Variants in CDH1 observed in about 807,000 individuals in gnomAD.
CDH1 encodes cadherin-1.
Under a neutral mutation model 84.5 loss-of-function variants are expected in CDH1, and 35 were observed. The ratio of observed to expected loss-of-function variants is 0.41; its 90% CI spans 0.32 to 0.55. CDH1 has a LOEUF of 0.55. CDH1 is among the 20% of genes least tolerant of loss of function. The pLI is 0.19. For synonymous variants in CDH1, 417 were observed against 439.0 expected, an observed-to-expected ratio of 0.95 and a Z score of 0.63; for missense variants, 994 against 1,126.6, an observed-to-expected ratio of 0.88 and a Z score of 1.68.
chr16:68,819,399 C>G lies in CDH1; in HGVS notation c.1685C>G (p.Thr562Arg), dbSNP rs587782381. Residue 562 changes from threonine to arginine, a missense_variant, in exon 11 of 16, where the codon ACA becomes AGA. Physicochemically the swap from Thr to Arg is moderately conservative, Grantham distance 71 (BLOSUM62 -1). This residue lies in a region of CDH1 where 769 missense variants were observed against 881.8 expected (regional missense o/e 0.87). Transcript: ENST00000261769. The part of the protein sequence containing the change: ...DFEHVKNSTY[T>R]ALIIATDNGS... ...GAGCACGTGAAGAACAGCACGTACA[C>G]AGCCCTAATCATAGCTACAGACAAT... is the stretch of plus-strand genomic sequence containing the variant. 6.2e-7 allele frequency: 1 copy of G among 1,613,780 alleles called. No individual in the cohort carries two copies. The highest frequency in any genetic ancestry group is 8.5e-7 in the Non-Finnish European group (1 of 1,180,028).
rs121964878 is a variant in CDH1, at chr16:68,822,190, C to T, written c.1901C>T (p.Ala634Val). ...TTCACAGCAGAACTAACACACGGGGCGAGTGCCAACTGGACCATTCAGTAC... is the reference window on the plus strand; with the variant it reads ...TTCACAGCAGAACTAACACACGGGGTGAGTGCCAACTGGACCATTCAGTAC... ...SPFTAELTHG[A>V]SANWTIQYND... The change falls in exon 12 of 16, where the codon GCG becomes GTG. Residue 634 changes from alanine (A) to valine (V), a missense_variant. Coordinates refer to ENST00000261769, the MANE Select transcript of CDH1 (RefSeq NM_004360.5). 5 of 1,614,074 alleles carry T rather than the reference C, an allele frequency of 3.1e-6. No homozygotes were observed. The highest frequency in any genetic ancestry group is 1.7e-5 in the Admixed American group (1 of 60,014).
At chr16:68,811,316 G>A (rs1960819021) in intron 6 of CDH1, among the ~76,000 whole-genome samples, 1 of 147,632 alleles carries the variant, frequency 6.8e-6, no homozygotes, top group South Asian at 2.1e-4. Flanking sequence ...AGAATTGCTT[G>A]AACCCGGGAG....
At chr16:68,758,481 G>A (rs1296683890) in intron 2 of CDH1, among the ~76,000 whole-genome samples, 1 of 151,838 alleles carries the variant, frequency 6.6e-6, no homozygotes, top group South Asian at 2.1e-4. Context: ...TAGCTACTTG[G>A]GAGGTTGAGG....
At chr16:68,787,669 G>GT (rs777973268) in intron 2 of CDH1, among the ~76,000 whole-genome samples, 2 of 151,504 alleles carry the variant, frequency 1.3e-5, no homozygotes, top group Non-Finnish European at 1.5e-5. Context: ...GTTTTGTTTT[G>GT]TTTTTTGGAG....
At position 68,833,960 on chromosome 16, in the gene CDH1, CT is replaced by C. The variant is rs113202135; in HGVS notation, c.*475del. On this transcript the variant is annotated 3_prime_UTR_variant, in exon 16 of 16. Transcript: ENST00000261769. The stretch of plus-strand genomic sequence containing the variant: ...TTACTACACTGGTGTGTCCCTCTGC[CT>C]TTTTTTTTTTTTTAAGACAGGGTCT... 0.15 allele frequency: 38,094 copies of C among 261,144 alleles called. No homozygotes were observed. The highest frequency in any genetic ancestry group is 0.23 in the East Asian group (3,322 of 14,616). 16.2% of individuals were successfully genotyped at this position (261,144 alleles called of 1,614,324 possible).
rs1248757679 is a variant in CDH1 at position 68,764,403 on chromosome 16, C to T, written c.163+25992C>T. ...ACCAGCCTGGCCAACATGGCGAATC[C>T]CCATCTCTACTAAAAATACAAAAAT... is the stretch of plus-strand genomic sequence containing the variant. On this transcript the variant is annotated intron_variant, in intron 2 of 15. Transcript: ENST00000261769. Among the ~76,000 whole-genome samples the T allele has an allele frequency of 2.6e-5, 4 of 152,292 alleles. No homozygotes were observed. In the South Asian group the frequency reaches 8.3e-4, roughly 32 times the overall value.
intron 2 of CDH1, among the ~76,000 whole-genome samples, chr16:68,742,821 T>A (rs1432685855): frequency 5.3e-5 from 8 of 152,218 alleles, no homozygotes; most frequent in Admixed American, 3.3e-4. Context: ...AGAAACCAGC[T>A]TTGGGATCAC....
In CDH1 at chr16:68,819,338, A is replaced by G; in HGVS notation, c.1624A>G (p.Ile542Val). ...WLEINPDTGA[I>V]STRAELDRED... ...GGAGATTAATCCGGACACTGGTGCCATTTCCACTCGGGCTGAGCTGGACAG... is the reference window on the plus strand; with the variant it reads ...GGAGATTAATCCGGACACTGGTGCCGTTTCCACTCGGGCTGAGCTGGACAG... The change falls in exon 11 of 16, where the codon ATT becomes GTT. Residue 542 changes from isoleucine to valine, a missense_variant. Physicochemically the swap from Ile to Val is conservative, Grantham distance 29 (BLOSUM62 3). This residue lies in a region of CDH1 where 769 missense variants were observed against 881.8 expected (regional missense o/e 0.87). Transcript: ENST00000261769. The G allele has an allele frequency of 6.2e-7, 1 of 1,614,104 alleles. No homozygotes were observed. The highest frequency in any genetic ancestry group is 1.1e-5 in the South Asian group (1 of 91,076).
chr16:68,738,964 T>TTTTTTTTTTTAAA lies in CDH1; in HGVS notation c.163+553_163+554insTTTTTTTTTTAAA, dbSNP rs555202424. Reference sequence around the variant, plus strand: ...TTTTTTTTTTTTTTTTTTTTTTTTTTAAAGACAGGGTCTTGCTCTGTTGCC... The same window carrying TTTTTTTTTTTAAA: ...TTTTTTTTTTTTTTTTTTTTTTTTTTTTTTTTTTTTAAAAAAGACAGGGTCTTGCTCTGTTGCC... On this transcript the variant is annotated intron_variant, in intron 2 of 15. Coordinates refer to ENST00000261769, the MANE Select transcript of CDH1 (RefSeq NM_004360.5). Among the ~76,000 whole-genome samples the TTTTTTTTTTTAAA allele has an allele frequency of 8.3e-4, 54 of 65,406 alleles. 5 individuals carry two copies. The highest frequency in any genetic ancestry group is 2.9e-3 in the African/African-American group (52 of 17,718). 42.9% of individuals were successfully genotyped at this position (65,406 alleles called of 152,430 possible).
At position 68,835,464 on chromosome 16, in the gene CDH1, G is replaced by A. The variant is rs1596978899; in HGVS notation, c.*1965G>A. The A allele has an allele frequency of 4.7e-6, 1 of 210,888 alleles. No individual in the cohort carries two copies. Among genetic ancestry groups the A allele is most frequent in the Admixed American group, 5.9e-5 (1 of 16,912 alleles). 13.1% of individuals were successfully genotyped at this position (210,888 alleles called of 1,614,324 possible). The stretch of plus-strand genomic sequence containing the variant: ...GTGTATTTTCTTTGGGGGTGGAAAA[G>A]GAAAACAATTCAAGCTGAGAAAAGT... On this transcript the variant is annotated 3_prime_UTR_variant, in exon 16 of 16. Coordinates refer to ENST00000261769, the MANE Select transcript of CDH1 (RefSeq NM_004360.5).
rs1555509828 is a variant in CDH1, at chr16:68,738,936, CTTTT to C, written c.163+550_163+553del. On this transcript the variant is annotated intron_variant, in intron 2 of 15. Coordinates refer to ENST00000261769, the MANE Select transcript of CDH1 (RefSeq NM_004360.5). Reference sequence around the variant, plus strand: ...TGGCTTTTGTTTACAGATATAAAAGCTTTTTTTTTTTTTTTTTTTTTTTTTTTTA... The same window carrying C: ...TGGCTTTTGTTTACAGATATAAAAGCTTTTTTTTTTTTTTTTTTTTTTTTA... Among the ~76,000 whole-genome samples, 62 of 11,440 alleles carry C rather than the reference CTTTT, an allele frequency of 5.4e-3. 1 individual carries two copies. The highest frequency in any genetic ancestry group is 6.7e-3 in the African/African-American group (29 of 4,306). The allele number at this position is 11,440 out of a possible 152,430, so 7.5% of individuals were successfully genotyped here.
intron 12 of CDH1, 134 bp downstream of exon 12, chr16:68,822,359 T>C (rs1567512687): frequency 2.7e-6 from 2 of 727,614 alleles, no homozygotes; most frequent in Non-Finnish European, 4.9e-6. Flanking sequence ...TCCTTGTCCC[T>C]TCTGTCTTTG....
chr16:68,811,043 A>G (rs1036678455), intron 6 of CDH1, among the ~76,000 whole-genome samples: 2 of 152,066 alleles, frequency 1.3e-5, no homozygotes, highest in Admixed American at 6.6e-5. Flanking sequence ...GATCTTTACC[A>G]GTACCTTAAA....
Position 68,779,045 on chromosome 16 carries a change from A to G in CDH1, c.164-22625A>G, listed in dbSNP as rs1290897473. On this transcript the variant is annotated intron_variant, in intron 2 of 15. Transcript: ENST00000261769. ...GGTTTTGTCAGGGCCAAAAAGCCCT[A>G]TCACCTGCCAAGGTGTTGAGTCAAC... is the stretch of plus-strand genomic sequence containing the variant. 2.0e-5 allele frequency among the ~76,000 whole-genome samples: 3 copies of G among 152,234 alleles called. 1 individual carries two copies. The highest frequency in any genetic ancestry group is 4.8e-5 in the African/African-American group (2 of 41,460).
At chr16:68,745,567 T>C (rs1962709709) in intron 2 of CDH1, among the ~76,000 whole-genome samples, 1 of 131,952 alleles carries the variant, frequency 7.6e-6, no homozygotes. Flanking sequence ...TATATATGTA[T>C]ATATATATGT....
chr16:68,769,319 T>A (rs3931740), intron 2 of CDH1, among the ~76,000 whole-genome samples: 5 of 152,204 alleles, frequency 3.3e-5, no homozygotes, highest in African/African-American at 1.2e-4. Flanking sequence ...ATGTGTATAC[T>A]TTTTTTCAAA....
At chr16:68,823,153 C>A (rs374524297) in intron 12 of CDH1, 15 of 501,384 alleles carry the variant, frequency 3.0e-5, no homozygotes, top group African/African-American at 2.5e-4. Context: ...AAGCCTCTCC[C>A]TCCAGCCACT....
chr16:68,744,786 G>A (rs1018142766), intron 2 of CDH1, among the ~76,000 whole-genome samples: 20 of 152,146 alleles, frequency 1.3e-4, no homozygotes, highest in Non-Finnish European at 2.2e-4. Flanking sequence ...TATGTCAAGC[G>A]TTCAGTGAAT....
chr16:68,791,166 G>A (rs940996570), intron 2 of CDH1, among the ~76,000 whole-genome samples: 4 of 152,122 alleles, frequency 2.6e-5, no homozygotes, highest in Non-Finnish European at 5.9e-5. Flanking sequence ...CATGCAGGAG[G>A]TATGCACACA....
Sources: allele counts gnomAD v4.1 joint callset (sites outside exome capture counted in the v4.1 genomes callset), GRCh38; gene constraint gnomAD v4.1.1; regional missense constraint gnomAD v4.1.1; transcripts MANE v1.5; gene names NCBI Gene and HGNC (gene_info 2026-07-23, HGNC 2026-07-21).